Variants in CSMD1 observed in about 807,000 individuals in gnomAD.
CSMD1 encodes the protein CUB and Sushi multiple domains 1.
Under a neutral mutation model 417.5 loss-of-function variants are expected in CSMD1, and 213 were observed. The ratio of observed to expected loss-of-function variants is 0.51; its 90% CI spans 0.46 to 0.57. CSMD1 has a LOEUF of 0.57. CSMD1 is among the 20% of genes least tolerant of loss of function. CSMD1 has a pLI of 0.00. For missense variants in CSMD1, 6,923 were observed against 4,529.7 expected, an observed-to-expected ratio of 1.53 and a Z score of -15.17; for synonymous variants, 2,862 against 1,736.8, an observed-to-expected ratio of 1.65 and a Z score of -16.11.
chr8:3,336,072 G>A (rs567452187), intron 23 of CSMD1, among the ~76,000 whole-genome samples: 3 of 152,254 alleles, frequency 2.0e-5, no homozygotes, highest in South Asian at 4.1e-4. Flanking sequence ...TTGAGTAACT[G>A]AAGTTAGAAA....
intron 23 of CSMD1, among the ~76,000 whole-genome samples, chr8:3,338,438 G>T (rs886702111): frequency 6.6e-6 from 1 of 152,220 alleles, no homozygotes; most frequent in Admixed American, 6.5e-5. Flanking sequence ...GGGATAGACA[G>T]AGAATTCAGG....
At position 4,214,155 on chromosome 8, in the gene CSMD1, C is replaced by G. The variant is rs544837918; in HGVS notation, c.416-182056G>C. On this transcript the variant is annotated intron_variant, in intron 3 of 69. Transcript: ENST00000635120. ...TTTTGGCTTAGTTCTTGGATCTCTA[C>G]TTTGTATTTTAATTTAGCACATCTT... is the stretch of plus-strand genomic sequence containing the variant. Among the ~76,000 whole-genome samples, 10 of 152,190 alleles carry G rather than the reference C, an allele frequency of 6.6e-5. No individual in the cohort carries two copies. The South Asian group carries it at 1.2e-3, about 19-fold the overall frequency.
intron 5 of CSMD1, among the ~76,000 whole-genome samples, chr8:3,853,345 A>G (rs1162794010): frequency 1.3e-5 from 2 of 152,192 alleles, no homozygotes; most frequent in African/African-American, 2.4e-5. Flanking sequence ...AACATGCTCC[A>G]CAATTTACTT....
At chr8:3,564,906 A>C (rs1799633162) in intron 10 of CSMD1, among the ~76,000 whole-genome samples, 1 of 151,966 alleles carries the variant, frequency 6.6e-6, no homozygotes, top group African/African-American at 2.4e-5. Context: ...GCACACAGAG[A>C]CAAATATGTT....
At chr8:4,934,628 C>G (rs11989308) in intron 1 of CSMD1, among the ~76,000 whole-genome samples, 1 of 144,764 alleles carries the variant, frequency 6.9e-6, no homozygotes, top group Non-Finnish European at 1.6e-5. Context: ...ACTTATCTAC[C>G]TATCTATATA....
At chr8:4,273,134 A>G (rs1209736299) in intron 3 of CSMD1, among the ~76,000 whole-genome samples, 1 of 152,172 alleles carries the variant, frequency 6.6e-6, no homozygotes, top group Non-Finnish European at 1.5e-5. Context: ...GATAGAGGGA[A>G]AATTACCATT....
intron 2 of CSMD1, among the ~76,000 whole-genome samples, chr8:4,450,562 G>C (rs1799081477): frequency 6.6e-6 from 1 of 152,110 alleles, no homozygotes; most frequent in Admixed American, 6.5e-5. Context: ...TTGAACCCGG[G>C]AGGCAGAGGT....
intron 1 of CSMD1, among the ~76,000 whole-genome samples, chr8:4,979,572 T>C (rs2117421686): frequency 6.6e-6 from 1 of 152,352 alleles, no homozygotes; most frequent in Admixed American, 6.5e-5. Flanking sequence ...GAAATCATTT[T>C]TTCCTTCAAT....
At chr8:4,205,904 C>T (rs1207467094) in intron 3 of CSMD1, among the ~76,000 whole-genome samples, 1 of 152,112 alleles carries the variant, frequency 6.6e-6, no homozygotes, top group African/African-American at 2.4e-5. Flanking sequence ...AAAATCAGTA[C>T]CGAGTCCTCC....
intron 6 of CSMD1, among the ~76,000 whole-genome samples, chr8:3,717,175 TTAC>T (rs1443413776): frequency 5.9e-5 from 9 of 152,344 alleles, no homozygotes; most frequent in Middle Eastern, 3.4e-3. Context: ...TCGATAATTA[TTAC>T]ATTTTTTCAT....
chr8:3,882,171 A>T (rs898320740), intron 5 of CSMD1, among the ~76,000 whole-genome samples: 1 of 152,214 alleles, frequency 6.6e-6, no homozygotes, highest in Non-Finnish European at 1.5e-5. Context: ...TGTACAGAAT[A>T]TACAGACATC....
chr8:4,530,897 C>A (rs1563261078), intron 2 of CSMD1, among the ~76,000 whole-genome samples: 1 of 151,962 alleles, frequency 6.6e-6, no homozygotes, highest in Middle Eastern at 3.4e-3. Flanking sequence ...TCCCATTATA[C>A]CGGAACTACA....
At chr8:4,110,748 T>C (rs1041755049) in intron 3 of CSMD1, among the ~76,000 whole-genome samples, 3 of 152,130 alleles carry the variant, frequency 2.0e-5, no homozygotes, top group Non-Finnish European at 4.4e-5. Context: ...ATCCAGAGGT[T>C]CATGAACTCA....
intron 1 of CSMD1, among the ~76,000 whole-genome samples, chr8:4,657,508 G>T (rs542202958): frequency 1.3e-4 from 19 of 151,920 alleles, no homozygotes; most frequent in Admixed American, 3.9e-4. Context: ...AGGGACAAAG[G>T]CTTCAAAGAA....
intron 5 of CSMD1, among the ~76,000 whole-genome samples, chr8:3,872,954 G>C (rs775210689): frequency 3.1e-4 from 47 of 151,918 alleles, no homozygotes; most frequent in Middle Eastern, 3.5e-3. Flanking sequence ...ATGAAAAAAA[G>C]CTCAACATCA....
rs373412945 is a variant in CSMD1 at position 3,406,301 on chromosome 8, C to A, written c.2072-80G>T. On this transcript the variant is annotated intron_variant, in intron 14 of 69. Coordinates refer to ENST00000635120, the MANE Select transcript of CSMD1 (RefSeq NM_033225.6). Reference sequence around the variant, plus strand: ...TGTATTAAAAAAGAAGAAAACAGAACAAGCTTATAAAGCATTCATATAATG... The same window carrying A: ...TGTATTAAAAAAGAAGAAAACAGAAAAAGCTTATAAAGCATTCATATAATG... The A allele has an allele frequency of 9.4e-5, 110 of 1,175,522 alleles. 1 individual carries two copies. The highest frequency in any genetic ancestry group is 6.1e-4 in the African/African-American group (39 of 64,410). The allele number at this position is 1,175,522 out of a possible 1,614,324, so 72.8% of individuals were successfully genotyped here.
At chr8:4,884,779 A>G (rs750094144) in intron 1 of CSMD1, among the ~76,000 whole-genome samples, 10 of 152,030 alleles carry the variant, frequency 6.6e-5, no homozygotes, top group Non-Finnish European at 1.5e-4. Flanking sequence ...TAGCTTTGGA[A>G]TAAGATTTGG....
chr8:4,474,413 G>C (rs1056960072), intron 2 of CSMD1, among the ~76,000 whole-genome samples: 2 of 152,154 alleles, frequency 1.3e-5, no homozygotes, highest in African/African-American at 4.8e-5. Context: ...GTCTAAGAAA[G>C]GCAGAGGGTC....
intron 2 of CSMD1, among the ~76,000 whole-genome samples, chr8:4,579,240 G>C (rs747690101): frequency 6.6e-6 from 1 of 150,992 alleles, no homozygotes; most frequent in South Asian, 2.1e-4. Context: ...TGCCAACGGC[G>C]AAGTTTAAAC....
Sources: gnomAD v4.1 joint callset for allele counts (sites outside exome capture counted in the v4.1 genomes callset) on GRCh38, gnomAD v4.1.1 for gene constraint, MANE v1.5 for transcripts, NCBI Gene and HGNC (gene_info 2026-07-23, HGNC 2026-07-21) for gene names.